Variants in DLGAP1 observed in about 807,000 individuals in gnomAD.
DLGAP1 encodes DLG associated protein 1, also known as disks large-associated protein 1.
Under a neutral mutation model 90.8 loss-of-function variants are expected in DLGAP1, and 11 were observed. The observed-to-expected ratio is 0.12, with a 90% CI of 0.08 to 0.20. The LOEUF (loss-of-function observed/expected upper bound fraction) is 0.20, where lower values mean the gene tolerates loss of function less well. Among genes scored for constraint, DLGAP1 ranks in the 10% least tolerant of loss-of-function variants. DLGAP1 has a pLI of 1.00. For synonymous variants in DLGAP1, 558 were observed against 540.7 expected (o/e 1.03, Z -0.44); for missense variants, 1,050 against 1,333.8 (o/e 0.79, Z 3.31).
intron 8 of DLGAP1, among the ~76,000 whole-genome samples, chr18:3,569,961 A>T (rs1466816425): frequency 2.0e-5 from 3 of 151,902 alleles, no homozygotes; most frequent in Non-Finnish European, 4.4e-5. Flanking sequence ...TTTGTACTGT[A>T]TTTTTACTGT....
chr18:3,658,882 G>T (rs561334867), intron 7 of DLGAP1, among the ~76,000 whole-genome samples: 1 of 151,908 alleles, frequency 6.6e-6, no homozygotes, highest in East Asian at 1.9e-4. Flanking sequence ...AAGAAAACAA[G>T]AAAATTTAAA....
chr18:3,826,816 G>A (rs1405794109), intron 4 of DLGAP1, among the ~76,000 whole-genome samples: 2 of 152,210 alleles, frequency 1.3e-5, no homozygotes, highest in Non-Finnish European at 2.9e-5. Flanking sequence ...AGGGCAACAA[G>A]AGTAGAATCA....
intron 5 of DLGAP1, among the ~76,000 whole-genome samples, chr18:3,751,883 C>CTT (rs759513286): frequency 0.015 from 1,698 of 112,424 alleles, 47 homozygotes; most frequent in African/African-American, 0.053. Context: ...TCTTCTTCTT[C>CTT]TTTTTTTTTT....
chr18:3,581,422 AG>A (rs889909534), intron 8 of DLGAP1, among the ~76,000 whole-genome samples: 1 of 152,142 alleles, frequency 6.6e-6, no homozygotes, highest in African/African-American at 2.4e-5. Context: ...GCAGAGCAGG[AG>A]GTAAGGCAAA....
intron 7 of DLGAP1, among the ~76,000 whole-genome samples, chr18:3,643,985 A>G (rs1441803911): frequency 6.6e-6 from 1 of 152,248 alleles, no homozygotes; most frequent in African/African-American, 2.4e-5. Context: ...TTCTCCTACC[A>G]GAAACACACA....
At chr18:4,292,272 T>A (rs562244734) in intron 1 of DLGAP1, among the ~76,000 whole-genome samples, 18 of 152,280 alleles carry the variant, frequency 1.2e-4, no homozygotes, top group African/African-American at 4.3e-4. Flanking sequence ...TATCATTGTT[T>A]AATTTTTAAA....
intron 3 of DLGAP1, among the ~76,000 whole-genome samples, chr18:4,003,326 A>G (rs1444352133): frequency 6.6e-6 from 1 of 152,056 alleles, no homozygotes; most frequent in Non-Finnish European, 1.5e-5. Context: ...AGGACTGGGA[A>G]GTGACTGACT....
At chr18:3,610,866 G>T (rs2057578160) in intron 7 of DLGAP1, among the ~76,000 whole-genome samples, 1 of 142,894 alleles carries the variant, frequency 7.0e-6, no homozygotes, top group Non-Finnish European at 1.5e-5. Context: ...TGGTATAAAA[G>T]TATTAACTGT....
intron 2 of DLGAP1, among the ~76,000 whole-genome samples, chr18:4,006,859 G>A (rs2074312712): frequency 1.3e-5 from 2 of 151,986 alleles, no homozygotes; most frequent in Non-Finnish European, 2.9e-5. Context: ...TGTTCCCCAG[G>A]CTGATGCTGC....
intron 2 of DLGAP1, among the ~76,000 whole-genome samples, chr18:4,035,644 G>C (rs946486145): frequency 6.6e-6 from 1 of 152,126 alleles, no homozygotes; most frequent in East Asian, 1.9e-4. Flanking sequence ...AAATAAATCC[G>C]TTGAGCTCAG....
At chr18:3,512,295 A>G (rs1371581763) in intron 10 of DLGAP1, among the ~76,000 whole-genome samples, 2 of 152,218 alleles carry the variant, frequency 1.3e-5, no homozygotes, top group Non-Finnish European at 2.9e-5. Flanking sequence ...GCCTCCCCAG[A>G]CACCGTATAG....
At chr18:3,515,774 T>C (rs1239652550) in intron 10 of DLGAP1, among the ~76,000 whole-genome samples, 1 of 61,176 alleles carries the variant, frequency 1.6e-5, no homozygotes, top group East Asian at 4.5e-4. Context: ...GGAGACCCTG[T>C]CTCAAAAAAA....
intron 10 of DLGAP1, among the ~76,000 whole-genome samples, chr18:3,515,123 T>C (rs1270173840): frequency 6.6e-6 from 1 of 152,202 alleles, no homozygotes; most frequent in African/African-American, 2.4e-5. Flanking sequence ...GTTTCTCTGT[T>C]GCGTGCAATA....
chr18:3,589,524 C>A, intron 7 of DLGAP1, among the ~76,000 whole-genome samples: 1 of 151,974 alleles, frequency 6.6e-6, no homozygotes, highest in East Asian at 1.9e-4. Context: ...CCATAAGGAA[C>A]CACAAATAAA....
chr18:4,420,268 C>A (rs911307910), intron 1 of DLGAP1, among the ~76,000 whole-genome samples: 2 of 152,192 alleles, frequency 1.3e-5, no homozygotes, highest in East Asian at 1.9e-4. Flanking sequence ...ATTGACAGAA[C>A]AAGTACATAG....
intron 4 of DLGAP1, among the ~76,000 whole-genome samples, chr18:3,865,665 T>C (rs186084139): frequency 6.6e-6 from 1 of 152,284 alleles, no homozygotes; most frequent in East Asian, 1.9e-4. Context: ...AGCAAACAGA[T>C]TGTGGAATCA....
chr18:4,412,838 C>T (rs1034923545), intron 1 of DLGAP1, among the ~76,000 whole-genome samples: 4 of 152,234 alleles, frequency 2.6e-5, no homozygotes, highest in African/African-American at 9.6e-5. Context: ...CAGGTCCCCA[C>T]ACTCTGTCCT....
At chr18:4,387,938 C>T (rs1369836837) in intron 1 of DLGAP1, among the ~76,000 whole-genome samples, 138 of 126,546 alleles carry the variant, frequency 1.1e-3, no homozygotes, top group Admixed American at 2.8e-3. Context: ...CATACACACA[C>T]ACACACACAC....
rs930471729 is a variant in DLGAP1 at position 3,711,826 on chromosome 18, G to A, written c.1591+17309C>T. On this transcript the variant is annotated intron_variant, in intron 7 of 12. Transcript: ENST00000315677. The surrounding 1 kb of genome is among the most constrained non-coding windows in gnomAD (Gnocchi z 4.0). ...TGCACTCCAGTCTGGGCAACAGAGT[G>A]AGACCTTGTCTCAAAAAGAAAGAAA... Among the ~76,000 whole-genome samples the A allele has an allele frequency of 3.3e-5, 5 of 152,108 alleles. No individual in the cohort carries two copies. Among genetic ancestry groups the A allele is most frequent in the African/African-American group, 1.2e-4 (5 of 41,428 alleles).
Sources: allele counts gnomAD v4.1 joint callset (sites outside exome capture counted in the v4.1 genomes callset), GRCh38; gene constraint gnomAD v4.1.1; non-coding constraint Gnocchi (gnomAD v3.1); transcripts MANE v1.5; gene names NCBI Gene and HGNC (gene_info 2026-07-23, HGNC 2026-07-21).